The following LAMP3 variants were observed in gnomAD, a reference collection of about 807,000 sequenced individuals.
The protein encoded by LAMP3 is lysosome associated membrane protein 3.
LAMP3 carries 26 observed loss-of-function variants against 34.8 expected under a neutral mutation model. That is an observed-to-expected ratio of 0.75 (90% confidence interval 0.55 to 1.04). The LOEUF (loss-of-function observed/expected upper bound fraction) is 1.04, where lower values mean the gene tolerates loss of function less well. LAMP3 is among the 50% of genes least tolerant of loss of function. LAMP3 has a pLI of 0.00. For missense variants in LAMP3, 495 were observed against 524.0 expected (o/e 0.94, Z 0.54); for synonymous variants, 180 against 201.9 (o/e 0.89, Z 0.92).
At chr3:183,150,250 G>T (rs1040749897) in intron 3 of LAMP3, among the ~76,000 whole-genome samples, 4 of 152,156 alleles carry the variant, frequency 2.6e-5, no homozygotes, top group Non-Finnish European at 5.9e-5. Flanking sequence ...AGAAAGGCAG[G>T]GACTCAACAC....
chr3:183,147,161 TGAACCCAA>T (rs1720470868), intron 3 of LAMP3, among the ~76,000 whole-genome samples: 1 of 151,984 alleles, frequency 6.6e-6, no homozygotes, highest in Non-Finnish European at 1.5e-5. Flanking sequence ...GAGAATCGCT[TGAACCCAA>T]GAGGCGGAGG....
At chr3:183,132,904 G>A (rs763654658) in intron 5 of LAMP3, 2 of 985,440 alleles carry the variant, frequency 2.0e-6, no homozygotes, top group Non-Finnish European at 2.4e-6. Context: ...TGATACTCAG[G>A]CCCATGGCCA....
intron 1 of LAMP3, among the ~76,000 whole-genome samples, chr3:183,157,216 G>T (rs902073840): frequency 6.6e-6 from 1 of 152,152 alleles, no homozygotes; most frequent in Non-Finnish European, 1.5e-5. Context: ...AGTTATTTGA[G>T]ATCATTCTTT....
chr3:183,138,573 A>T (rs1211848507), intron 4 of LAMP3, among the ~76,000 whole-genome samples: 1 of 152,228 alleles, frequency 6.6e-6, no homozygotes, highest in Admixed American at 6.5e-5. Flanking sequence ...CCTCTGAGAG[A>T]CATCTTGTGT....
chr3:183,135,980 T>C, intron 4 of LAMP3, 93 bp from the exon 5 acceptor site: 1 of 960,902 alleles, frequency 1.0e-6, no homozygotes, highest in Non-Finnish European at 1.6e-6. Flanking sequence ...CTAAATGGCC[T>C]TCCTTCCTTC....
At chr3:183,151,595 T>A (rs951903989) in intron 3 of LAMP3, among the ~76,000 whole-genome samples, 1 of 152,010 alleles carries the variant, frequency 6.6e-6, no homozygotes, top group African/African-American at 2.4e-5. Context: ...GCCCGGCTAA[T>A]ATTTTATATT....
At chr3:183,132,559 G>A (rs1285713181) in intron 5 of LAMP3, 29 of 985,262 alleles carry the variant, frequency 2.9e-5, no homozygotes, top group Non-Finnish European at 2.9e-5. Flanking sequence ...CCCTAATTCC[G>A]GAAGCCAGCA....
intron 1 of LAMP3, among the ~76,000 whole-genome samples, chr3:183,157,736 T>G (rs1720861130): frequency 6.7e-6 from 1 of 148,310 alleles, no homozygotes; most frequent in South Asian, 2.1e-4. Context: ...AACTCAGTAG[T>G]GCACCCTTAA....
At chr3:183,136,653 G>GAAAA (rs63647060) in intron 4 of LAMP3, among the ~76,000 whole-genome samples, 1,220 of 100,438 alleles carry the variant, frequency 0.012, 83 homozygotes, top group East Asian at 0.016. Context: ...CTCCGTTTCA[G>GAAAA]AAAAAAAAAA....
chr3:183,140,064 T>C (rs1433240754), intron 4 of LAMP3, among the ~76,000 whole-genome samples: 1 of 152,144 alleles, frequency 6.6e-6, no homozygotes, highest in Non-Finnish European at 1.5e-5. Flanking sequence ...AGAGGCGTAG[T>C]AAAGTCCCCC....
intron 5 of LAMP3, chr3:183,132,850 T>C (rs1719968579): frequency 1.0e-6 from 1 of 985,326 alleles, no homozygotes. Context: ...TGGGCCTCTT[T>C]CTGGCCACCA....
At chr3:183,161,908 C>T in intron 1 of LAMP3, 2 of 968,116 alleles carry the variant, frequency 2.1e-6, no homozygotes, top group Non-Finnish European at 2.5e-6. Context: ...GCAGCTGGCA[C>T]GACCCTTCTC....
chr3:183,135,678 T>C, intron 5 of LAMP3, 39 bp downstream of exon 5: 1 of 1,595,214 alleles, frequency 6.3e-7, no homozygotes, highest in Non-Finnish European at 8.6e-7. Flanking sequence ...CTGGGGTCTC[T>C]AAAGTGTATG....
upstream of LAMP3, chr3:183,162,818 GC>G (rs1296290061): frequency 3.1e-6 from 2 of 638,904 alleles, no homozygotes; most frequent in Non-Finnish European, 5.1e-6. Context: ...AACTCCGCCG[GC>G]CCCCTCCTAC....
intron 5 of LAMP3, among the ~76,000 whole-genome samples, chr3:183,129,016 C>G (rs1719848332): frequency 6.6e-6 from 1 of 152,136 alleles, no homozygotes; most frequent in South Asian, 2.1e-4. Flanking sequence ...GAGCAAGACT[C>G]TGTCTCAAAA....
At chr3:183,144,522 G>A (rs1720382574) in intron 3 of LAMP3, among the ~76,000 whole-genome samples, 1 of 152,084 alleles carries the variant, frequency 6.6e-6, no homozygotes, top group Admixed American at 6.5e-5. Context: ...GAGCTGAGGG[G>A]TGGGAGGGGC....
chr3:183,129,236 T>C (rs556962445), intron 5 of LAMP3, among the ~76,000 whole-genome samples: 3 of 152,350 alleles, frequency 2.0e-5, no homozygotes, highest in African/African-American at 7.2e-5. Context: ...TTCTTCATGT[T>C]TGAAGTTTTA....
At chr3:183,139,949 C>T (rs1259007271) in intron 4 of LAMP3, among the ~76,000 whole-genome samples, 1 of 152,196 alleles carries the variant, frequency 6.6e-6, no homozygotes, top group African/African-American at 2.4e-5. Context: ...CTATCGACAG[C>T]AAATCTGTCA....
At chr3:183,141,902 G>A (rs948277343) in intron 3 of LAMP3, among the ~76,000 whole-genome samples, 2 of 152,152 alleles carry the variant, frequency 1.3e-5, no homozygotes, top group East Asian at 3.9e-4. Context: ...GGTGGCAGGG[G>A]AAGATATGAC....
Sources: gnomAD v4.1 joint callset for allele counts (sites outside exome capture counted in the v4.1 genomes callset) on GRCh38, gnomAD v4.1.1 for gene constraint, MANE v1.5 for transcripts, NCBI Gene and HGNC (gene_info 2026-07-23, HGNC 2026-07-21) for gene names.